KANK1: variants seen among roughly 807,000 people sequenced by gnomAD.
The protein encoded by KANK1 is KN motif and ankyrin repeat domain-containing protein 1.
In KANK1, 109 loss-of-function variants were observed where a neutral mutation model predicts 106.2. The observed-to-expected ratio is 1.03, with a 90% confidence interval of 0.88 to 1.20. KANK1 has a LOEUF of 1.20. Ranked by LOEUF, KANK1 falls within the 50% of genes most tolerant of loss-of-function variation. The pLI is 0.00. For missense variants in KANK1, 2,399 were observed against 1,710.7 expected (o/e 1.40, Z -7.10); for synonymous variants, 873 against 652.2 (o/e 1.34, Z -5.16).
chr9:615,566 A>G (rs1831611514), intron 1 of KANK1, among the ~76,000 whole-genome samples: 1 of 152,166 alleles, frequency 6.6e-6, no homozygotes, highest in South Asian at 2.1e-4. Flanking sequence ...TTTGATTCCC[A>G]CTTGTTCTTG....
At chr9:719,665 C>G (rs551098027) in intron 3 of KANK1, among the ~76,000 whole-genome samples, 6 of 152,200 alleles carry the variant, frequency 3.9e-5, no homozygotes, top group African/African-American at 1.4e-4. Flanking sequence ...AACTAATACC[C>G]ATTCTGGACA....
At chr9:553,355 C>T (rs1323136058) in intron 1 of KANK1, among the ~76,000 whole-genome samples, 3 of 152,122 alleles carry the variant, frequency 2.0e-5, no homozygotes, top group African/African-American at 4.8e-5. Context: ...AGGCAATCAG[C>T]TTTAAACACC....
At chr9:707,345 C>A (rs963384855) in intron 2 of KANK1, 1 of 540,030 alleles carries the variant, frequency 1.9e-6, no homozygotes, top group Non-Finnish European at 2.4e-6. Context: ...ACTGCTGGGC[C>A]GCTTCACTCC....
intron 6 of KANK1, 177 bp downstream of exon 6, chr9:732,794 C>T: frequency 4.9e-6 from 3 of 613,428 alleles, no homozygotes; most frequent in Non-Finnish European, 8.1e-6. Flanking sequence ...TCTTAGATCT[C>T]TTATGGTAGA....
chr9:734,531 T>A (rs1337378255), intron 6 of KANK1: 1 of 411,712 alleles, frequency 2.4e-6, no homozygotes, highest in East Asian at 4.6e-5. Context: ...CTGGGCCTGG[T>A]GGTGCACACC....
At position 745,185 on chromosome 9, in the gene KANK1, CT is replaced by C; in HGVS notation, c.4011del (p.Gly1338GlufsTer60). On this transcript the variant is annotated frameshift_variant, in exon 12 of 12. Coordinates refer to ENST00000382297, the MANE Select transcript of KANK1 (RefSeq NM_015158.5). LOFTEE classifies it high-confidence loss of function. ...TCCTGGTCTCTAGGGCACCCCTAGG[CT>C]TGGAAGGAAGACGTCTCCTGGCCCC... ...AKAQSPGTPR[L>X]GRKTSPGPTH... The C allele has an allele frequency of 6.2e-7, 1 of 1,614,076 alleles. No homozygotes were observed. The highest frequency in any genetic ancestry group is 8.5e-7 in the Non-Finnish European group (1 of 1,179,978).
At chr9:481,356 G>A (rs1054170072) in intron 3 of KANK1, among the ~76,000 whole-genome samples, 1 of 152,130 alleles carries the variant, frequency 6.6e-6, no homozygotes, top group Non-Finnish European at 1.5e-5. Context: ...TTGGAAGGAC[G>A]TGGCCTATGG....
At chr9:488,767 A>T (rs1383006216) in intron 3 of KANK1, among the ~76,000 whole-genome samples, 2 of 152,150 alleles carry the variant, frequency 1.3e-5, no homozygotes, top group Non-Finnish European at 2.9e-5. Context: ...GTACAATCTC[A>T]AGCAGTGTTG....
At chr9:658,229 A>G (rs1008447371) in intron 1 of KANK1, among the ~76,000 whole-genome samples, 2 of 152,176 alleles carry the variant, frequency 1.3e-5, no homozygotes, top group Non-Finnish European at 2.9e-5. Flanking sequence ...CCTATGCATA[A>G]ACAAAACACT....
intron 1 of KANK1, among the ~76,000 whole-genome samples, 152 bp downstream of exon 1, chr9:504,906 A>G (rs1193886192): frequency 2.7e-4 from 39 of 146,794 alleles, no homozygotes; most frequent in Non-Finnish European, 5.7e-4. Flanking sequence ...GGCGGAGGGC[A>G]GCCCCCGCGG....
intron 1 of KANK1, among the ~76,000 whole-genome samples, chr9:658,943 A>T (rs1048467314): frequency 5.3e-5 from 8 of 152,266 alleles, no homozygotes; most frequent in Middle Eastern, 3.4e-3. Context: ...ACCCATTCCT[A>T]TACATCTGCA....
intron 1 of KANK1, among the ~76,000 whole-genome samples, chr9:535,152 A>G (rs142363320): frequency 1.4e-3 from 220 of 152,274 alleles, no homozygotes; most frequent in African/African-American, 5.1e-3. Flanking sequence ...CCAAAGAAAC[A>G]ACGCAGCCTC....
intron 3 of KANK1, among the ~76,000 whole-genome samples, chr9:479,809 G>A (rs1404112402): frequency 6.6e-6 from 1 of 152,134 alleles, no homozygotes; most frequent in Admixed American, 6.5e-5. Flanking sequence ...CCACAAGGAA[G>A]TTCATGGCAA....
At chr9:481,176 G>A (rs1020358608) in intron 3 of KANK1, among the ~76,000 whole-genome samples, 2 of 152,224 alleles carry the variant, frequency 1.3e-5, no homozygotes, top group East Asian at 1.9e-4. Context: ...ATGATTACAC[G>A]GTACTTGAAG....
At chr9:510,361 C>T (rs1392022436) in intron 1 of KANK1, among the ~76,000 whole-genome samples, 1 of 152,078 alleles carries the variant, frequency 6.6e-6, no homozygotes, top group African/African-American at 2.4e-5. Flanking sequence ...GTTGATTGTC[C>T]AGAAATTATA....
chr9:654,257 A>G (rs1841587204), intron 1 of KANK1, among the ~76,000 whole-genome samples: 1 of 152,218 alleles, frequency 6.6e-6, no homozygotes, highest in African/African-American at 2.4e-5. Context: ...TCACTGGTCC[A>G]CGGCCAGACT....
At chr9:581,941 T>G (rs1822261011) in intron 1 of KANK1, among the ~76,000 whole-genome samples, 1 of 152,158 alleles carries the variant, frequency 6.6e-6, no homozygotes, top group Non-Finnish European at 1.5e-5. Context: ...ACTTCCAAGA[T>G]CTCCCTTAAG....
chr9:694,459 T>A (rs1037551383), intron 2 of KANK1, among the ~76,000 whole-genome samples: 2 of 152,184 alleles, frequency 1.3e-5, no homozygotes, highest in African/African-American at 4.8e-5. Flanking sequence ...GCAACAACTT[T>A]TAAAATGAGA....
At chr9:645,410 A>T (rs1839444945) in intron 1 of KANK1, among the ~76,000 whole-genome samples, 1 of 140,322 alleles carries the variant, frequency 7.1e-6, no homozygotes, top group African/African-American at 2.8e-5. Context: ...ACTACACTCC[A>T]GGCTGTGTGA....
Sources: allele counts gnomAD v4.1 joint callset (sites outside exome capture counted in the v4.1 genomes callset), GRCh38; gene constraint gnomAD v4.1.1; transcripts MANE v1.5; gene names NCBI Gene and HGNC (gene_info 2026-07-23, HGNC 2026-07-21).